The following PHYHD1 variants were observed in gnomAD, a reference collection of about 807,000 sequenced individuals.
PHYHD1 encodes phytanoyl-CoA dioxygenase domain-containing protein 1.
Under a neutral mutation model 43.6 loss-of-function variants are expected in PHYHD1, and 42 were observed. That is an observed-to-expected ratio of 0.96 (90% CI 0.75 to 1.25). The LOEUF (loss-of-function observed/expected upper bound fraction) is 1.25. Ranked by LOEUF, PHYHD1 falls within the 50% of genes most tolerant of loss-of-function variation. PHYHD1 has a pLI of 0.00. For synonymous variants in PHYHD1, 139 were observed against 143.6 expected (o/e 0.97, Z 0.23); for missense variants, 342 against 370.8 (o/e 0.92, Z 0.64).
rs1841414349 is a variant in PHYHD1 at position 128,935,949 on chromosome 9, T to C, written c.317-499T>C. ...ATAAAAAGTACATAGCTCAGTGGTA[T>C]TAAATGCATTCAATCTTATGTTTAT... On this transcript the variant is annotated intron_variant, in intron 6 of 12. Transcript: ENST00000372592. 2.6e-5 allele frequency among the ~76,000 whole-genome samples: 4 copies of C among 152,074 alleles called. No individual in the cohort carries two copies. In the South Asian group the frequency reaches 8.3e-4, roughly 32 times the overall value.
intron 9 of PHYHD1, among the ~76,000 whole-genome samples, chr9:128,939,960 C>G (rs1412492592): frequency 6.6e-6 from 1 of 152,126 alleles, no homozygotes; most frequent in African/African-American, 2.4e-5. Flanking sequence ...AAGCCCCAAC[C>G]TCCCAAACTT....
At chr9:128,932,820 CTTATTTATTTATTTATTTATTTAT>C (rs36079303) in intron 4 of PHYHD1, among the ~76,000 whole-genome samples, 1 of 141,832 alleles carries the variant, frequency 7.1e-6, no homozygotes, top group African/African-American at 2.6e-5. Flanking sequence ...ATTATTATTC[CTTATTTATTTATTTATTTATTTAT>C]TTATTTATTT....
chr9:128,922,776 C>A (rs1841033938), intron 3 of PHYHD1, among the ~76,000 whole-genome samples: 1 of 152,222 alleles, frequency 6.6e-6, no homozygotes, highest in South Asian at 2.1e-4. Flanking sequence ...ATCACTCATA[C>A]ATTCCTACGC....
chr9:128,940,653 G>A lies in PHYHD1; in HGVS notation c.641G>A (p.Ser214Asn). The change falls in exon 11 of 13, where the codon AGC becomes AAC. Residue 214 changes from serine to asparagine, a missense_variant. Coordinates refer to ENST00000372592, the MANE Select transcript of PHYHD1 (RefSeq NM_001100876.2). ...CCTGTTGGCTCAGCGCCTGGTACCA[G>A]CTTCCTTGGGTCAGAGCCAGCCCGG... ...RAPVGSAPGT[S>N]FLGSEPARDN... 6.2e-7 allele frequency: 1 copy of A among 1,614,182 alleles called. No individual in the cohort carries two copies. Among genetic ancestry groups the A allele is most frequent in the Non-Finnish European group, 8.5e-7 (1 of 1,180,046 alleles).
intron 4 of PHYHD1, among the ~76,000 whole-genome samples, chr9:128,932,175 A>ATTTTTTTTTTTT (rs1164525938): frequency 3.7e-5 from 4 of 107,118 alleles, no homozygotes; most frequent in African/African-American, 1.3e-4. Context: ...TATTGTTATT[A>ATTTTTTTTTTTT]TTATTATTAT....
intron 4 of PHYHD1, among the ~76,000 whole-genome samples, chr9:128,930,185 C>T (rs1470629733): frequency 1.3e-5 from 2 of 150,560 alleles, no homozygotes; most frequent in African/African-American, 4.9e-5. Flanking sequence ...GAGGCTGAGA[C>T]AGGAGGATAG....
intron 3 of PHYHD1, among the ~76,000 whole-genome samples, chr9:128,926,392 C>G (rs573712312): frequency 6.6e-6 from 1 of 151,176 alleles, no homozygotes; most frequent in African/African-American, 2.4e-5. Flanking sequence ...TGGGATTACA[C>G]AGGCATGCGC....
chr9:128,932,356 T>C (rs1011431768), intron 4 of PHYHD1, among the ~76,000 whole-genome samples: 4 of 151,198 alleles, frequency 2.6e-5, no homozygotes, highest in African/African-American at 9.7e-5. Flanking sequence ...TAATTTTTTG[T>C]ACTTTTGTTT....
chr9:128,934,461 T>C (rs554379788), intron 6 of PHYHD1, among the ~76,000 whole-genome samples: 1 of 151,294 alleles, frequency 6.6e-6, no homozygotes, highest in Admixed American at 6.6e-5. Context: ...CTGAAGAGTT[T>C]AGGAGCTTTA....
At chr9:128,931,358 G>C (rs1360729683) in intron 4 of PHYHD1, among the ~76,000 whole-genome samples, 1 of 151,906 alleles carries the variant, frequency 6.6e-6, no homozygotes, top group Non-Finnish European at 1.5e-5. Context: ...TGATCCACCC[G>C]CCTTGGCCTC....
At chr9:128,922,148 G>C (rs1204178769) in intron 2 of PHYHD1, 101 bp downstream of exon 2, 8 of 631,276 alleles carry the variant, frequency 1.3e-5, no homozygotes, top group South Asian at 2.1e-5. Context: ...TGTGGGGGTG[G>C]GGGAGATTAG....
chr9:128,929,690 T>C (rs1374540924), intron 4 of PHYHD1, among the ~76,000 whole-genome samples: 1 of 151,974 alleles, frequency 6.6e-6, no homozygotes, highest in Admixed American at 6.6e-5. Flanking sequence ...AAAAAATTCA[T>C]TTCAGTTTCC....
At chr9:128,922,588 A>G (rs190823458) in intron 3 of PHYHD1, among the ~76,000 whole-genome samples, 52 of 152,310 alleles carry the variant, frequency 3.4e-4, no homozygotes, top group Admixed American at 2.7e-3. Flanking sequence ...TGTTTGACCA[A>G]AAACGAGAAT....
At chr9:128,937,809 GC>G in intron 9 of PHYHD1, 31 bp downstream of exon 9, 1 of 1,614,016 alleles carries the variant, frequency 6.2e-7, no homozygotes, top group South Asian at 1.1e-5. Flanking sequence ...CCCTGAAAAG[GC>G]CATGGGTGGG....
rs755175660 is a variant in PHYHD1, at chr9:128,928,024, A to G, written c.192+828A>G. ...TGGGGTCTCCCACACCGTTCTCTTG[A>G]CCCTTCCTAGTCAGAGTTTATTATG... On this transcript the variant is annotated intron_variant, in intron 4 of 12. Coordinates refer to ENST00000372592, the MANE Select transcript of PHYHD1 (RefSeq NM_001100876.2). Among the ~76,000 whole-genome samples the G allele has an allele frequency of 3.2e-4, 48 of 151,996 alleles. 1 individual carries two copies. The highest frequency in any genetic ancestry group is 3.1e-3 in the Admixed American group (47 of 15,256).
chr9:128,926,556 T>C (rs1379005219), intron 3 of PHYHD1, among the ~76,000 whole-genome samples: 2 of 145,516 alleles, frequency 1.4e-5, no homozygotes, highest in African/African-American at 2.5e-5. Context: ...TTCTTTTTCT[T>C]TCTTTTTTTT....
At chr9:128,936,726 C>A in intron 8 of PHYHD1, 81 bp downstream of exon 8, 1 of 1,413,880 alleles carries the variant, frequency 7.1e-7, no homozygotes, top group South Asian at 1.2e-5. Flanking sequence ...TACAATGGGC[C>A]AAAAGTTGCT....
At chr9:128,941,621 A>G in intron 12 of PHYHD1, 47 bp from the exon 13 acceptor site, 3 of 1,614,140 alleles carry the variant, frequency 1.9e-6, no homozygotes, top group Non-Finnish European at 2.5e-6. Flanking sequence ...GGAGGCTGGG[A>G]ACAGTGACCC....
intron 4 of PHYHD1, among the ~76,000 whole-genome samples, chr9:128,932,268 T>C (rs1841310886): frequency 6.6e-6 from 1 of 150,530 alleles, no homozygotes. Flanking sequence ...AACCTCTGCC[T>C]CCTGGGTTCA....
Sources: allele counts gnomAD v4.1 joint callset (sites outside exome capture counted in the v4.1 genomes callset), GRCh38; gene constraint gnomAD v4.1.1; transcripts MANE v1.5; gene names NCBI Gene and HGNC (gene_info 2026-07-23, HGNC 2026-07-21).